Variants in PIN1 observed in about 807,000 individuals in gnomAD.
PIN1 encodes the protein peptidylprolyl cis/trans isomerase, NIMA-interacting 1.
In PIN1, 8 loss-of-function variants were observed where a neutral mutation model predicts 19.9. That is an observed-to-expected ratio of 0.40 (90% CI 0.24 to 0.72). PIN1 has a LOEUF of 0.72. Among genes scored for constraint, PIN1 ranks in the 30% least tolerant of loss-of-function variants. The pLI is 0.37. For synonymous variants in PIN1, 86 were observed against 90.8 expected, an observed-to-expected ratio of 0.95 and a Z score of 0.30; for missense variants, 185 against 226.5, an observed-to-expected ratio of 0.82 and a Z score of 1.18.
Position 9,838,790 on chromosome 19 carries a change from G to A in PIN1, c.271+142G>A, listed in dbSNP as rs1170138814. 4.7e-6 allele frequency: 3 copies of A among 640,602 alleles called. No individual in the cohort carries two copies. The Admixed American group carries it at 8.4e-5, about 18-fold the overall frequency. The allele number at this position is 640,602 out of a possible 1,614,324, so 39.7% of individuals were successfully genotyped here. A position where few individuals can be genotyped will look rare whatever the true frequency, so the allele number is the denominator to read the frequency against. ...ACACAAAAACGCCAGTGCATGACCT[G>A]ACCCTGACCTTCACAGCAGCCATTC... On this transcript the variant is annotated intron_variant, in intron 2 of 3. Coordinates refer to ENST00000247970, the MANE Select transcript of PIN1 (RefSeq NM_006221.4). The surrounding 1 kb of genome is among the most constrained non-coding windows in gnomAD (Gnocchi z 5.8).
At chr19:9,843,354 G>A (rs557083159) in intron 2 of PIN1, among the ~76,000 whole-genome samples, 13 of 152,348 alleles carry the variant, frequency 8.5e-5, no homozygotes, top group South Asian at 2.1e-4. Context: ...CTCTTTCCCC[G>A]ACCAGGCCCC....
chr19:9,849,558 A>G lies in PIN1; in HGVS notation c.*359A>G, dbSNP rs558957674. On this transcript the variant is annotated 3_prime_UTR_variant, in exon 4 of 4. Transcript: ENST00000247970. Reference sequence around the variant, plus strand: ...GTGCTGGAGGCAGACTCGAGGGCCGAATTGTTTCTAGTTAGGCCACGCTCC... The same window carrying G: ...GTGCTGGAGGCAGACTCGAGGGCCGGATTGTTTCTAGTTAGGCCACGCTCC... 1.2e-5 allele frequency: 7 copies of G among 587,300 alleles called. No individual in the cohort carries two copies. The East Asian group carries it at 1.6e-4, about 14-fold the overall frequency. 36.4% of individuals were successfully genotyped at this position (587,300 alleles called of 1,614,324 possible).
chr19:9,838,335 G>A lies in PIN1; in HGVS notation c.59-101G>A, dbSNP rs985289095. 8.1e-6 allele frequency: 7 copies of A among 869,316 alleles called. No homozygotes were observed. Among genetic ancestry groups the A allele is most frequent in the South Asian group, 1.4e-5 (1 of 69,626 alleles). 53.9% of individuals were successfully genotyped at this position (869,316 alleles called of 1,614,324 possible). Reference sequence around the variant, plus strand: ...CACCATGGATTTGTTGAATGAAGGCGCCCCCTGCAAGCCAGGCCCTCACCC... The same window carrying A: ...CACCATGGATTTGTTGAATGAAGGCACCCCCTGCAAGCCAGGCCCTCACCC... On this transcript the variant is annotated intron_variant, in intron 1 of 3. Transcript: ENST00000247970. The surrounding 1 kb of genome is among the most constrained non-coding windows in gnomAD (Gnocchi z 5.8).
At chr19:9,849,005 T>C in intron 3 of PIN1, 85 bp from the exon 4 acceptor site, 1 of 777,406 alleles carries the variant, frequency 1.3e-6, no homozygotes, top group Non-Finnish European at 2.2e-6. Flanking sequence ...AGGAGCCCCA[T>C]CTGTCGCGGC....
At chr19:9,835,537 A>C in intron 1 of PIN1, 135 bp downstream of exon 1, 8 of 597,190 alleles carry the variant, frequency 1.3e-5, no homozygotes, top group Middle Eastern at 5.2e-4. Context: ...CCCCGGGGTA[A>C]CGGCCCCGGC....
intron 1 of PIN1, chr19:9,837,483 CAA>C (rs1033800133): frequency 1.9e-4 from 28 of 144,758 alleles, no homozygotes; most frequent in African/African-American, 7.4e-4. Context: ...TGTTTTGAGA[CAA>C]GAGTCTCACT....
Position 9,849,406 on chromosome 19 carries a change from C to T in PIN1, c.*207C>T, listed in dbSNP as rs760349244. 2.7e-6 allele frequency: 2 copies of T among 733,782 alleles called. No homozygotes were observed. The highest frequency in any genetic ancestry group is 1.8e-5 in the Admixed American group (1 of 54,550). 45.5% of individuals were successfully genotyped at this position (733,782 alleles called of 1,614,324 possible). On this transcript the variant is annotated 3_prime_UTR_variant, in exon 4 of 4. Coordinates refer to ENST00000247970, the MANE Select transcript of PIN1 (RefSeq NM_006221.4). ...TGTCCATCCCCAGTTGGGGCTGCGA[C>T]CGCCAGATTCTCCCTTAAGGAATTG...
In PIN1 at chr19:9,849,239, C is replaced by T. The variant is rs371600243; in HGVS notation, c.*40C>T. On this transcript the variant is annotated 3_prime_UTR_variant, in exon 4 of 4. Coordinates refer to ENST00000247970, the MANE Select transcript of PIN1 (RefSeq NM_006221.4). ...GGCCTGGCCTCGGGGCAGGGCAGGG[C>T]GGCTAGGCCGGCCAGCTCCCCCTTG... is the stretch of plus-strand genomic sequence containing the variant. The T allele has an allele frequency of 1.4e-5, 20 of 1,381,206 alleles. No individual in the cohort carries two copies. The highest frequency in any genetic ancestry group is 1.3e-4 in the African/African-American group (9 of 69,970). 85.6% of individuals were successfully genotyped at this position (1,381,206 alleles called of 1,614,324 possible). A position where few individuals can be genotyped will look rare whatever the true frequency, so the allele number is the denominator to read the frequency against.
In PIN1 at chr19:9,840,364, G is replaced by A. The variant is rs150417099; in HGVS notation, c.271+1716G>A. 6.7e-4 allele frequency among the ~76,000 whole-genome samples: 102 copies of A among 152,254 alleles called. 1 individual carries two copies. Among genetic ancestry groups the A allele is most frequent in the Middle Eastern group, 3.4e-3 (1 of 294 alleles). On this transcript the variant is annotated intron_variant, in intron 2 of 3. Transcript: ENST00000247970. The stretch of plus-strand genomic sequence containing the variant: ...ATCGTGCCACTGCACTCCAGCCTCG[G>A]CAACAGAGCGAGACTCCGTCTCAAA...
Position 9,838,646 on chromosome 19 carries a change from A to G in PIN1, c.269A>G (p.Asn90Ser), listed in dbSNP as rs1478908488. 5 of 1,541,342 alleles carry G rather than the reference A, an allele frequency of 3.2e-6. 1 individual carries two copies. In the South Asian group the frequency reaches 4.8e-5, roughly 15 times the overall value. Residue 90 changes from asparagine to serine, a missense_variant and splice_region_variant, in exon 2 of 4, where the codon AAC becomes AGC. Coordinates refer to ENST00000247970, the MANE Select transcript of PIN1 (RefSeq NM_006221.4). This position sits in a 1 kb window ranked among gnomAD's most constrained non-coding sequence, Gnocchi z 5.8. ...AAGGAGGAGGCCCTGGAGCTGATCA[A>G]CGGTGAGCAGGGCGAGGGCAGGGGC... ...RTKEEALELI[N>S]GYIQKIKSGE...
intron 2 of PIN1, 38 bp from the exon 3 acceptor site, chr19:9,847,992 C>A: frequency 7.4e-7 from 1 of 1,352,078 alleles, no homozygotes; most frequent in Non-Finnish European, 1.1e-6. Context: ...CCCCCCCAAC[C>A]CCTGACCTGG....
In PIN1 at chr19:9,849,136, G is replaced by C. The variant is rs756093290; in HGVS notation, c.429G>C (p.Thr143=). The change falls in exon 4 of 4, where the codon ACG becomes ACC. Residue 143 remains threonine, a synonymous_variant. Transcript: ENST00000247970. The part of the protein sequence containing the change: ...PFEDASFALR[T]GEMSGPVFTD... ...AAGACGCCTCGTTTGCGCTGCGGAC[G>C]GGGGAGATGAGCGGGCCCGTGTTCA... The C allele has an allele frequency of 6.2e-7, 1 of 1,613,512 alleles. No individual in the cohort carries two copies. The highest frequency in any genetic ancestry group is 2.2e-5 in the East Asian group (1 of 44,874).
chr19:9,837,973 A>G (rs759417434), intron 1 of PIN1: 11 of 209,340 alleles, frequency 5.3e-5, no homozygotes, highest in Non-Finnish European at 9.9e-5. Context: ...TAGTCCTTTC[A>G]ATGACCCTAA....
chr19:9,848,874 T>G (rs2046246979), intron 3 of PIN1, among the ~76,000 whole-genome samples: 1 of 152,172 alleles, frequency 6.6e-6, no homozygotes, highest in Non-Finnish European at 1.5e-5. Context: ...TCCTTCATGC[T>G]GTCCTCGGGC....
At chr19:9,839,649 G>T (rs2046144814) in intron 2 of PIN1, among the ~76,000 whole-genome samples, 1 of 152,180 alleles carries the variant, frequency 6.6e-6, no homozygotes, top group Non-Finnish European at 1.5e-5. Flanking sequence ...CAAGCACATG[G>T]TCATGGCTGT....
In PIN1 at chr19:9,848,009, C is replaced by T. The variant is rs368788515; in HGVS notation, c.272-21C>T. On this transcript the variant is annotated intron_variant, in intron 2 of 3. Coordinates refer to ENST00000247970, the MANE Select transcript of PIN1 (RefSeq NM_006221.4). ...CCCCCAACCCCTGACCTGGCACTCC[C>T]ATTCCGTTCCATGTCCACAGGCTAC... is the stretch of plus-strand genomic sequence containing the variant. 1.5e-5 allele frequency: 22 copies of T among 1,502,266 alleles called. No homozygotes were observed. The African/African-American group carries it at 3.0e-4, about 21-fold the overall frequency. The allele number at this position is 1,502,266 out of a possible 1,614,324, so 93.1% of individuals were successfully genotyped here. A position where few individuals can be genotyped will look rare whatever the true frequency, so the allele number is the denominator to read the frequency against.
chr19:9,835,318 G>A lies in PIN1; in HGVS notation c.-27G>A. 2.6e-6 allele frequency: 4 copies of A among 1,522,114 alleles called. No individual in the cohort carries two copies. The highest frequency in any genetic ancestry group is 3.5e-6 in the Non-Finnish European group (4 of 1,140,046). The allele number at this position is 1,522,114 out of a possible 1,614,324, so 94.3% of individuals were successfully genotyped here. ...GGGCGACAGGCGGCGCAGCTGAGGCGGAGCAGGCGCTGCGGCAGGAGGGAA... is the reference window on the plus strand; with the variant it reads ...GGGCGACAGGCGGCGCAGCTGAGGCAGAGCAGGCGCTGCGGCAGGAGGGAA... On this transcript the variant is annotated 5_prime_UTR_variant, in exon 1 of 4. Coordinates refer to ENST00000247970, the MANE Select transcript of PIN1 (RefSeq NM_006221.4).
At chr19:9,841,205 C>T (rs1264976315) in intron 2 of PIN1, among the ~76,000 whole-genome samples, 5 of 152,140 alleles carry the variant, frequency 3.3e-5, no homozygotes, top group Non-Finnish European at 5.9e-5. Flanking sequence ...AAGTGCCACC[C>T]GTTAGTCTTA....
At chr19:9,839,596 G>C (rs1411409322) in intron 2 of PIN1, among the ~76,000 whole-genome samples, 4 of 152,204 alleles carry the variant, frequency 2.6e-5, no homozygotes, top group African/African-American at 7.2e-5. Context: ...GTCTCTATCA[G>C]CTCTGCTTTG....
Sources: gnomAD v4.1 joint callset for allele counts (sites outside exome capture counted in the v4.1 genomes callset) on GRCh38, gnomAD v4.1.1 for gene constraint, Gnocchi (gnomAD v3.1) non-coding constraint, MANE v1.5 for transcripts, NCBI Gene and HGNC (gene_info 2026-07-23, HGNC 2026-07-21) for gene names.